Variants in CASR observed in about 807,000 individuals in gnomAD.
CASR encodes extracellular calcium-sensing receptor.
A neutral mutation model predicts 69.1 loss-of-function variants in CASR; 23 were observed. That is an observed-to-expected ratio of 0.33 (90% CI 0.24 to 0.47). The LOEUF is 0.47. Ranked by LOEUF, CASR falls within the 20% of genes least tolerant of loss-of-function variation. The pLI, the probability that CASR is intolerant of heterozygous loss-of-function variation, is 1.00. For synonymous variants in CASR, 541 were observed against 544.7 expected (o/e 0.99, Z 0.10); for missense variants, 924 against 1,356.1 (o/e 0.68, Z 5.00).
At chr3:122,185,445 T>A (rs2073769150) in intron 1 of CASR, among the ~76,000 whole-genome samples, 1 of 152,222 alleles carries the variant, frequency 6.6e-6, no homozygotes, top group Non-Finnish European at 1.5e-5. Flanking sequence ...ACATTTCGTT[T>A]ACTTGCTTCA....
intron 1 of CASR, among the ~76,000 whole-genome samples, chr3:122,202,186 G>A (rs190572314): frequency 1.3e-5 from 2 of 152,242 alleles, no homozygotes; most frequent in Non-Finnish European, 2.9e-5. Flanking sequence ...GGAGGCCAAG[G>A]CTGGCAGATC....
chr3:122,219,060 G>A (rs1206893969), intron 1 of CASR, among the ~76,000 whole-genome samples: 2 of 152,272 alleles, frequency 1.3e-5, no homozygotes, highest in Admixed American at 6.5e-5. Flanking sequence ...TGAGCAAGGA[G>A]GAATTGTATA....
rs34340150 is a variant in CASR at position 122,218,346 on chromosome 3, C to T, written c.-243+34534C>T. Among the ~76,000 whole-genome samples, 125 of 151,594 alleles carry T rather than the reference C, an allele frequency of 8.2e-4. 1 individual carries two copies. The highest frequency in any genetic ancestry group is 2.9e-3 in the African/African-American group (119 of 41,356). On this transcript the variant is annotated intron_variant, in intron 1 of 6. Transcript: ENST00000639785. ...GTCAGGAGATCAAGACCAGCCTGGC[C>T]AACATGGTGAAACCCCGCCTCTACT...
chr3:122,258,704 G>C (rs2074584537), intron 3 of CASR, among the ~76,000 whole-genome samples: 1 of 152,136 alleles, frequency 6.6e-6, no homozygotes, highest in African/African-American at 2.4e-5. Flanking sequence ...AATTATAAAA[G>C]TGCTTTGATT....
At chr3:122,235,589 G>A (rs1028792621) in intron 1 of CASR, among the ~76,000 whole-genome samples, 1 of 152,182 alleles carries the variant, frequency 6.6e-6, no homozygotes, top group Non-Finnish European at 1.5e-5. Flanking sequence ...AAAAGTAATA[G>A]TATCAGAAGA....
intron 1 of CASR, among the ~76,000 whole-genome samples, chr3:122,214,740 C>T (rs2074099628): frequency 6.6e-6 from 1 of 152,158 alleles, no homozygotes; most frequent in Non-Finnish European, 1.5e-5. Context: ...GCTAAGGAGT[C>T]CTTGGACTGA....
Position 122,290,888 on chromosome 3 carries a change from C to A in CASR, c.*5697C>A, listed in dbSNP as rs1465490200. 8.4e-6 allele frequency: 1 copy of A among 119,642 alleles called. No individual in the cohort carries two copies. 7.4% of individuals were successfully genotyped at this position (119,642 alleles called of 1,614,324 possible). On this transcript the variant is annotated 3_prime_UTR_variant, in exon 7 of 7. Transcript: ENST00000639785. ...ATGCTATCCCTCCCCCCTCCCCCCA[C>A]CCCACAATAGGCCCTGGTGTGTGAT...
rs2073858658 is a variant in CASR at position 122,193,483 on chromosome 3, CT to C, written c.-243+9672del. Among the ~76,000 whole-genome samples, 3 of 152,142 alleles carry C rather than the reference CT, an allele frequency of 2.0e-5. No individual in the cohort carries two copies. The South Asian group carries it at 6.2e-4, about 32-fold the overall frequency. ...CCATCTGTCTTAGCCTCCCAAAGTG[CT>C]GGGATTACAGGCATGAGCCACCATA... On this transcript the variant is annotated intron_variant, in intron 1 of 6. Transcript: ENST00000639785.
chr3:122,218,483 G>A (rs1243120910), intron 1 of CASR, among the ~76,000 whole-genome samples: 3 of 146,750 alleles, frequency 2.0e-5, no homozygotes, highest in African/African-American at 5.0e-5. Context: ...GCAGTGAGCC[G>A]AGATCATGCC....
intron 1 of CASR, among the ~76,000 whole-genome samples, chr3:122,195,876 A>G (rs2073884675): frequency 6.6e-6 from 1 of 152,246 alleles, no homozygotes; most frequent in Non-Finnish European, 1.5e-5. Context: ...CTGCGAGAGT[A>G]TAAATGAATA....
chr3:122,252,932 A>G (rs2074513745), intron 1 of CASR, among the ~76,000 whole-genome samples: 1 of 152,228 alleles, frequency 6.6e-6, no homozygotes, highest in South Asian at 2.1e-4. Flanking sequence ...TAATTGACTC[A>G]CAGGGTGAGT....
At chr3:122,282,290 G>A in intron 6 of CASR, 54 bp downstream of exon 6, 2 of 1,584,806 alleles carry the variant, frequency 1.3e-6, no homozygotes, top group South Asian at 1.1e-5. Context: ...TCGGAGGCCT[G>A]GGGTCAGTGA....
chr3:122,230,927 T>C (rs569882654), intron 1 of CASR, among the ~76,000 whole-genome samples: 20 of 152,328 alleles, frequency 1.3e-4, no homozygotes, highest in Non-Finnish European at 1.8e-4. Flanking sequence ...AATATTTGTA[T>C]TGACCTATCG....
intron 6 of CASR, 63 bp from the exon 7 acceptor site, chr3:122,283,624 G>A: frequency 7.5e-7 from 1 of 1,327,334 alleles, no homozygotes; most frequent in East Asian, 2.3e-5. Context: ...ACCACCACAT[G>A]TACACTCACA....
At chr3:122,212,647 T>A (rs1215672361) in intron 1 of CASR, among the ~76,000 whole-genome samples, 1 of 151,994 alleles carries the variant, frequency 6.6e-6, no homozygotes, top group Non-Finnish European at 1.5e-5. Flanking sequence ...TCTACAATTT[T>A]TTTTTTTTTT....
At chr3:122,203,248 C>A (rs545025684) in intron 1 of CASR, among the ~76,000 whole-genome samples, 3 of 152,328 alleles carry the variant, frequency 2.0e-5, no homozygotes, top group Admixed American at 6.5e-5. Context: ...GACATTCCAA[C>A]AATATTGAGC....
Position 122,252,429 on chromosome 3 carries a change from G to GAA in CASR, c.-242-1517_-242-1516dup, listed in dbSNP as rs1553765676. Among the ~76,000 whole-genome samples, 4 of 74,164 alleles carry GAA rather than the reference G, an allele frequency of 5.4e-5. No individual in the cohort carries two copies. The East Asian group carries it at 9.4e-4, about 17-fold the overall frequency. 48.7% of individuals were successfully genotyped at this position (74,164 alleles called of 152,430 possible). ...AAGGAAAAAGAAAGAAAGAAAGAAA[G>GAA]AAAGAAAGAAAGAAAGAAAAAAAAG... On this transcript the variant is annotated intron_variant, in intron 1 of 6. Coordinates refer to ENST00000639785, the MANE Select transcript of CASR (RefSeq NM_000388.4).
intron 1 of CASR, among the ~76,000 whole-genome samples, chr3:122,251,447 T>C (rs1460125535): frequency 6.6e-6 from 1 of 152,324 alleles, no homozygotes; most frequent in East Asian, 1.9e-4. Context: ...CCACTAAAGC[T>C]GTGCACGTTG....
At chr3:122,236,391 A>G (rs916071277) in intron 1 of CASR, among the ~76,000 whole-genome samples, 2 of 152,216 alleles carry the variant, frequency 1.3e-5, no homozygotes, top group Non-Finnish European at 2.9e-5. Context: ...TGAAGGGGCC[A>G]GCTAATAAAT....
Sources: gnomAD v4.1 joint callset for allele counts (sites outside exome capture counted in the v4.1 genomes callset) on GRCh38, gnomAD v4.1.1 for gene constraint, MANE v1.5 for transcripts, NCBI Gene and HGNC (gene_info 2026-07-23, HGNC 2026-07-21) for gene names.